Variants in DACH2 observed in about 807,000 individuals in gnomAD.
The protein encoded by DACH2 is dachshund family transcription factor 2.
DACH2 carries 17 observed loss-of-function variants against 35.8 expected under a neutral mutation model. The ratio of observed to expected loss-of-function variants is 0.48; its 90% CI spans 0.33 to 0.71. The LOEUF is 0.71. Among genes scored for constraint, DACH2 ranks in the 30% least tolerant of loss-of-function variants. The pLI is 0.02. For missense variants in DACH2, 469 were observed against 472.7 expected (o/e 0.99, Z 0.07); for synonymous variants, 195 against 177.3 (o/e 1.10, Z -0.79).
At chrX:86,497,329 T>G (rs899017787) in intron 2 of DACH2, among the ~76,000 whole-genome samples, 4 of 112,100 alleles carry the variant, frequency 3.6e-5, no homozygotes, top group Admixed American at 2.8e-4. Flanking sequence ...TGCTAATACT[T>G]GCTCAAATTT....
At chrX:86,787,811 C>T (rs916449779) in intron 7 of DACH2, among the ~76,000 whole-genome samples, 34 of 111,416 alleles carry the variant, frequency 3.1e-4, no homozygotes, top group African/African-American at 1.0e-3. Flanking sequence ...ATTCTTTCCT[C>T]CTCCAAAGAA....
intron 2 of DACH2, among the ~76,000 whole-genome samples, chrX:86,394,492 T>C (rs1323758277): frequency 9.0e-6 from 1 of 111,560 alleles, no homozygotes; most frequent in Non-Finnish European, 1.9e-5. Flanking sequence ...TAATTGATGC[T>C]AGTCAAGTTT....
chrX:86,381,707 A>G (rs1205761965), intron 2 of DACH2, among the ~76,000 whole-genome samples: 1 of 111,100 alleles, frequency 9.0e-6, no homozygotes, highest in Non-Finnish European at 1.9e-5. Context: ...TTTATTGTGC[A>G]TAAAACATAA....
In DACH2 at chrX:86,728,263, A is replaced by T. The variant is rs1047780296; in HGVS notation, c.1105-11484A>T. Among the ~76,000 whole-genome samples, 61 of 112,257 alleles carry T rather than the reference A, an allele frequency of 5.4e-4. 1 individual carries two copies. The highest frequency in any genetic ancestry group is 1.9e-4 in the Non-Finnish European group (10 of 53,291). On this transcript the variant is annotated intron_variant, in intron 6 of 11. Transcript: ENST00000373125. ...GATGACCTGAGATATCTGGCATAAG[A>T]AACTTCTAAGCATCAAAGTGTTCAA...
chrX:86,155,841 T>A (rs1433496872), intron 1 of DACH2, among the ~76,000 whole-genome samples: 1 of 111,260 alleles, frequency 9.0e-6, no homozygotes, highest in African/African-American at 3.2e-5. Flanking sequence ...TGATACTATT[T>A]AGATCTCAAA....
chrX:86,309,246 A>G (rs2034750381), intron 1 of DACH2, among the ~76,000 whole-genome samples: 1 of 112,203 alleles, frequency 8.9e-6, no homozygotes, highest in Non-Finnish European at 1.9e-5. Context: ...ACAGTGGATT[A>G]CTGTAATCTT....
intron 1 of DACH2, among the ~76,000 whole-genome samples, chrX:86,157,472 T>C (rs2030587454): frequency 8.9e-6 from 1 of 111,793 alleles, no homozygotes; most frequent in Non-Finnish European, 1.9e-5. Context: ...CAGCTTGCCA[T>C]TGATCTAGTT....
At chrX:86,159,077 C>A (rs1212503067) in intron 1 of DACH2, among the ~76,000 whole-genome samples, 1 of 111,242 alleles carries the variant, frequency 9.0e-6, no homozygotes, top group Non-Finnish European at 1.9e-5. Flanking sequence ...TAAAGTTAAT[C>A]AATCCATGAG....
chrX:86,272,091 TTC>T (rs1462519181), intron 1 of DACH2, among the ~76,000 whole-genome samples: 1 of 111,369 alleles, frequency 9.0e-6, no homozygotes, highest in African/African-American at 3.3e-5. Flanking sequence ...GTATTTGACT[TTC>T]TGTTTTTGAG....
chrX:86,285,924 T>C (rs1287639952), intron 1 of DACH2, among the ~76,000 whole-genome samples: 1 of 110,945 alleles, frequency 9.0e-6, no homozygotes, highest in Non-Finnish European at 1.9e-5. Context: ...TGACCTTCTT[T>C]GTCTCATAGT....
chrX:86,621,231 C>T (rs896454338), intron 3 of DACH2, among the ~76,000 whole-genome samples: 1 of 111,223 alleles, frequency 9.0e-6, no homozygotes, highest in Admixed American at 9.6e-5. Flanking sequence ...CAAATCATTA[C>T]AAGATGTAGA....
intron 1 of DACH2, among the ~76,000 whole-genome samples, chrX:86,342,281 T>G (rs763586377): frequency 9.0e-6 from 1 of 110,950 alleles, no homozygotes; most frequent in South Asian, 3.9e-4. Context: ...GGAGGATCTC[T>G]TGAGCCCAGG....
chrX:86,191,908 T>C (rs769243776), intron 1 of DACH2, among the ~76,000 whole-genome samples: 3 of 111,705 alleles, frequency 2.7e-5, no homozygotes, highest in Non-Finnish European at 5.6e-5. Flanking sequence ...GCCACTGCAC[T>C]CCAGATTGGG....
At chrX:86,526,548 A>C (rs201711505) in intron 3 of DACH2, among the ~76,000 whole-genome samples, 1 of 107,140 alleles carries the variant, frequency 9.3e-6, no homozygotes, top group African/African-American at 3.8e-5. Context: ...AAAAATTCTG[A>C]GAGCTCTCAA....
chrX:86,347,605 C>A (rs1336176678), intron 1 of DACH2, among the ~76,000 whole-genome samples: 2 of 112,965 alleles, frequency 1.8e-5, no homozygotes, highest in African/African-American at 6.4e-5. Flanking sequence ...TTATTGATTT[C>A]ATGCACCAGC....
intron 1 of DACH2, among the ~76,000 whole-genome samples, chrX:86,316,645 G>A (rs1192808872): frequency 9.0e-6 from 1 of 111,238 alleles, no homozygotes; most frequent in Non-Finnish European, 1.9e-5. Context: ...ACTTCTTCAG[G>A]CTACTTTCTG....
chrX:86,689,057 C>T (rs891847773), intron 4 of DACH2, among the ~76,000 whole-genome samples: 5 of 111,934 alleles, frequency 4.5e-5, no homozygotes, highest in Non-Finnish European at 7.5e-5. Context: ...ACTTGAAATT[C>T]CTAGACCATC....
Position 86,443,793 on chromosome X carries a change from A to T in DACH2, c.527+66931A>T, listed in dbSNP as rs1298048911. 4.5e-5 allele frequency among the ~76,000 whole-genome samples: 5 copies of T among 112,152 alleles called. No homozygotes were observed. In the East Asian group the frequency reaches 1.4e-3, roughly 31 times the overall value. ...GTCCTACATTTTGTTAATGAGATTTATCATGTTTATCAATTTGCATATATT... is the reference window on the plus strand; with the variant it reads ...GTCCTACATTTTGTTAATGAGATTTTTCATGTTTATCAATTTGCATATATT... On this transcript the variant is annotated intron_variant, in intron 2 of 11. Transcript: ENST00000373125.
At chrX:86,303,752 A>G (rs748687911) in intron 1 of DACH2, among the ~76,000 whole-genome samples, 1 of 108,382 alleles carries the variant, frequency 9.2e-6, no homozygotes, top group South Asian at 4.0e-4. Flanking sequence ...ATCTTTCTGT[A>G]CCCATAACCT....
Sources: allele counts gnomAD v4.1 joint callset (sites outside exome capture counted in the v4.1 genomes callset), GRCh38; gene constraint gnomAD v4.1.1; transcripts MANE v1.5; gene names NCBI Gene and HGNC (gene_info 2026-07-23, HGNC 2026-07-21).